Variants in PLEKHG5 observed in about 807,000 individuals in gnomAD.
PLEKHG5 encodes pleckstrin homology and RhoGEF domain containing G5, also known as pleckstrin homology domain-containing family G member 5.
In PLEKHG5, 52 loss-of-function variants were observed where a neutral mutation model predicts 103.8. The ratio of observed to expected loss-of-function variants is 0.50; its 90% confidence interval spans 0.40 to 0.63. PLEKHG5 has a LOEUF of 0.63. Ranked by LOEUF, PLEKHG5 falls within the 30% of genes least tolerant of loss-of-function variation. PLEKHG5 has a pLI of 0.00. For missense variants in PLEKHG5, 1,205 were observed against 1,347.6 expected, an observed-to-expected ratio of 0.89 and a Z score of 1.66; for synonymous variants, 592 against 575.5, an observed-to-expected ratio of 1.03 and a Z score of -0.41.
At position 6,473,325 on chromosome 1, in the gene PLEKHG5, T is replaced by G; in HGVS notation, c.721A>C (p.Ser241Arg). Residue 241 changes from serine (S) to arginine (R), a missense_variant, in exon 8 of 21, where the codon AGC becomes CGC. Transcript: ENST00000377728. ...CGACTGGCCGCCCGGTTCTTCCAGCTGTCGCCAGTGTTGGTGCTGCCACTG... is the reference window on the plus strand; with the variant it reads ...CGACTGGCCGCCCGGTTCTTCCAGCGGTCGCCAGTGTTGGTGCTGCCACTG... ...GSSGSTNTGDSWKNRAASRFS... is the reference protein window; with the variant it reads ...GSSGSTNTGDRWKNRAASRFS... The G allele has an allele frequency of 1.3e-6, 2 of 1,562,684 alleles. No individual in the cohort carries two copies. Among genetic ancestry groups the G allele is most frequent in the Non-Finnish European group, 1.7e-6 (2 of 1,154,582 alleles).
rs1356525734 is a variant in PLEKHG5 at position 6,469,374 on chromosome 1, G to A, written c.2010C>T (p.Ala670=). 1 of 1,614,152 alleles carries A rather than the reference G, an allele frequency of 6.2e-7. No homozygotes were observed. Among genetic ancestry groups the A allele is most frequent in the Non-Finnish European group, 8.5e-7 (1 of 1,180,020 alleles). ...GAYTFQASGQ[A]LCRGWVDTIY... ...TGGTGTCCACCCAGCCACGGCACAA[G>A]GCCTGGCCACTGGCCTGGAACGTGT... The change falls in exon 18 of 21, where the codon GCC becomes GCT. Residue 670 remains alanine (A), a synonymous_variant. Transcript: ENST00000377728.
chr1:6,506,965 G>A lies in PLEKHG5; in HGVS notation c.-164-10396C>T, dbSNP rs566840402. 2.0e-4 allele frequency among the ~76,000 whole-genome samples: 30 copies of A among 152,344 alleles called. 1 individual carries two copies. The highest frequency in any genetic ancestry group is 6.3e-4 in the African/African-American group (26 of 41,580). On this transcript the variant is annotated intron_variant, in intron 1 of 21. Transcript: ENST00000377740. ...TCCTCAGGGGAGCCTCATTGCTCCC[G>A]AGCGGCGGGTGGAGCTGGAGGAAGT...
intron 1 of PLEKHG5, among the ~76,000 whole-genome samples, chr1:6,482,940 C>G (rs1644939465): frequency 6.6e-6 from 1 of 152,198 alleles, no homozygotes; most frequent in Non-Finnish European, 1.5e-5. Flanking sequence ...AACACCTGCC[C>G]TCAGGTGATC....
chr1:6,467,224 G>T lies in PLEKHG5; in HGVS notation c.*339C>A. On this transcript the variant is annotated 3_prime_UTR_variant, in exon 21 of 21. Coordinates refer to ENST00000377728, the MANE Select transcript of PLEKHG5 (RefSeq NM_020631.6). The stretch of plus-strand genomic sequence containing the variant: ...GGGTGGCCTGTGGGACTGGGAAGGT[G>T]GGGGCAGGGCAGGAGTGAATCCCAC... The T allele has an allele frequency of 2.0e-6, 1 of 504,514 alleles. No homozygotes were observed. The highest frequency in any genetic ancestry group is 3.6e-5 in the East Asian group (1 of 27,784). 31.3% of individuals were successfully genotyped at this position (504,514 alleles called of 1,614,324 possible). A position where few individuals can be genotyped will look rare whatever the true frequency, so the allele number is the denominator to read the frequency against.
At chr1:6,475,181 C>A in intron 4 of PLEKHG5, 43 bp from the exon 5 acceptor site, 1 of 1,124,646 alleles carries the variant, frequency 8.9e-7, no homozygotes, top group Non-Finnish European at 1.4e-6. Context: ...TTCTCCTCAC[C>A]GCCCTCATTC....
intron 12 of PLEKHG5, 114 bp from the exon 13 acceptor site, chr1:6,471,214 G>A (rs1212936733): frequency 1.1e-6 from 1 of 900,046 alleles, no homozygotes; most frequent in Non-Finnish European, 1.8e-6. Context: ...CACCCCAAGG[G>A]GGCAGCAAGC....
At chr1:6,513,086 C>T (rs1638522580) in intron 1 of PLEKHG5, among the ~76,000 whole-genome samples, 1 of 152,252 alleles carries the variant, frequency 6.6e-6, no homozygotes, top group African/African-American at 2.4e-5. Context: ...GGTAGCTCCT[C>T]TCACTGACGC....
intron 1 of PLEKHG5, among the ~76,000 whole-genome samples, chr1:6,513,694 C>T (rs1638538782): frequency 1.3e-5 from 2 of 152,250 alleles, no homozygotes; most frequent in African/African-American, 4.8e-5. Context: ...AAAAGACAGG[C>T]TGGACTTCCA....
chr1:6,499,052 C>T (rs976087154), upstream of PLEKHG5, among the ~76,000 whole-genome samples: 5 of 152,336 alleles, frequency 3.3e-5, no homozygotes, highest in African/African-American at 4.8e-5. Flanking sequence ...GTTTCCCATG[C>T]GTCCAGCCTG....
At chr1:6,502,548 G>A (rs1455219558) in intron 1 of PLEKHG5, among the ~76,000 whole-genome samples, 1 of 152,268 alleles carries the variant, frequency 6.6e-6, no homozygotes, top group Non-Finnish European at 1.5e-5. Context: ...CCTGGGGCCA[G>A]CCGGCCACTT....
At chr1:6,504,715 G>A (rs960071264) in intron 1 of PLEKHG5, among the ~76,000 whole-genome samples, 6 of 151,930 alleles carry the variant, frequency 3.9e-5, no homozygotes, top group African/African-American at 1.4e-4. Context: ...GACTACAGGC[G>A]CCCGCCACCA....
At chr1:6,474,365 A>G (rs1363981665) in intron 6 of PLEKHG5, 86 bp downstream of exon 6, 16 of 1,536,334 alleles carry the variant, frequency 1.0e-5, no homozygotes, top group East Asian at 2.3e-5. Context: ...CCCACGACCA[A>G]TGGGAACCTG....
In PLEKHG5 at chr1:6,471,033, C is replaced by T; in HGVS notation, c.1349G>A (p.Arg450His). The change falls in exon 13 of 21, where the codon CGC becomes CAC. Residue 450 changes from arginine (R) to histidine (H), a missense_variant. By Grantham distance (29) the Arg-to-His change is conservative (BLOSUM62 0). Transcript: ENST00000377728. ...MEEEGCMEYMRGLLRDNDLFR... is the reference protein window; with the variant it reads ...MEEEGCMEYMHGLLRDNDLFR... ...GAGGTCGTTGTCGCGCAGCAGGCCGCGCATGTACTCCATGCAGCCCTCCTC... is the reference window on the plus strand; with the variant it reads ...GAGGTCGTTGTCGCGCAGCAGGCCGTGCATGTACTCCATGCAGCCCTCCTC... 1 of 1,606,432 alleles carries T rather than the reference C, an allele frequency of 6.2e-7. No homozygotes were observed. Among genetic ancestry groups the T allele is most frequent in the Non-Finnish European group, 8.5e-7 (1 of 1,176,922 alleles).
chr1:6,470,891 TG>T lies in PLEKHG5; in HGVS notation c.1393-8del. ...GTGGGTGCTTCTCCGCCCACTGCGG[TG>T]GGGGAGTGGGGGCGGGCTCAGGGCA... On this transcript the variant is annotated splice_polypyrimidine_tract_variant and splice_region_variant and intron_variant, in intron 13 of 20. Transcript: ENST00000377728. 1 of 1,412,460 alleles carries T rather than the reference TG, an allele frequency of 7.1e-7. No homozygotes were observed. 87.5% of individuals were successfully genotyped at this position (1,412,460 alleles called of 1,614,324 possible).
chr1:6,468,082 G>T lies in PLEKHG5; in HGVS notation c.2754C>A (p.Gly918=). The change falls in exon 20 of 21, where the codon GGC becomes GGA. Residue 918 remains glycine, a synonymous_variant. Transcript: ENST00000377728. ...AGCTGGGCCCAGCTTCCTGAGGGGAGCCCTGAGTCCTAATACCTGGGGCTG... is the reference window on the plus strand; with the variant it reads ...AGCTGGGCCCAGCTTCCTGAGGGGATCCCTGAGTCCTAATACCTGGGGCTG... ...AVPAPGIRTQ[G]SPQEAGPSWD... 5 of 1,583,914 alleles carry T rather than the reference G, an allele frequency of 3.2e-6. No homozygotes were observed. The highest frequency in any genetic ancestry group is 4.3e-6 in the Non-Finnish European group (5 of 1,167,026).
Position 6,468,518 on chromosome 1 carries a change from G to C in PLEKHG5, c.2318C>G (p.Pro773Arg). ...GCTGAAAGGACCGCTGTCGAACTCG[G>C]GGGAGGACAGCGTGTCCCCAGGCTC... is the stretch of plus-strand genomic sequence containing the variant. ...VVEPGDTLSS[P>R]EFDSGPFSSQ... The change falls in exon 20 of 21, where the codon CCC becomes CGC. Residue 773 changes from proline to arginine, a missense_variant. Coordinates refer to ENST00000377728, the MANE Select transcript of PLEKHG5 (RefSeq NM_020631.6). The C allele has an allele frequency of 1.2e-6, 2 of 1,612,950 alleles. No homozygotes were observed. Among genetic ancestry groups the C allele is most frequent in the African/African-American group, 1.3e-5 (1 of 75,014 alleles).
At chr1:6,509,132 A>G (rs1638406571) in intron 1 of PLEKHG5, among the ~76,000 whole-genome samples, 1 of 152,216 alleles carries the variant, frequency 6.6e-6, no homozygotes, top group Non-Finnish European at 1.5e-5. Flanking sequence ...CGGCCTCTGG[A>G]CAGGAAGATC....
chr1:6,485,687 C>T (rs1645018374), intron 1 of PLEKHG5: 1 of 335,094 alleles, frequency 3.0e-6, no homozygotes, highest in East Asian at 6.0e-5. Flanking sequence ...TCCGCCTGCC[C>T]GGGCGACCCC....
chr1:6,513,682 G>A (rs368707892), intron 1 of PLEKHG5, among the ~76,000 whole-genome samples: 8 of 152,224 alleles, frequency 5.3e-5, no homozygotes, highest in African/African-American at 9.6e-5. Flanking sequence ...TCCCAACCAC[G>A]GAAAAGACAG....
Sources: gnomAD v4.1 joint callset for allele counts (sites outside exome capture counted in the v4.1 genomes callset) on GRCh38, gnomAD v4.1.1 for gene constraint, MANE v1.5 for transcripts, NCBI Gene and HGNC (gene_info 2026-07-23, HGNC 2026-07-21) for gene names.